Variants in PRUNE2 observed in about 807,000 individuals in gnomAD.
PRUNE2 encodes the protein prune homolog 2 with BCH domain, also known as protein prune homolog 2.
Under a neutral mutation model 252.0 loss-of-function variants are expected in PRUNE2, and 164 were observed. The observed-to-expected ratio is 0.65, with a 90% CI of 0.57 to 0.74. PRUNE2 has a LOEUF of 0.74. PRUNE2 is among the 30% of genes least tolerant of loss of function. PRUNE2 has a pLI of 0.00. For synonymous variants in PRUNE2, 1,292 were observed against 1,350.2 expected, an observed-to-expected ratio of 0.96 and a Z score of 0.94; for missense variants, 3,495 against 3,711.0, an observed-to-expected ratio of 0.94 and a Z score of 1.51.
chr9:76,704,733 G>A, intron 8 of PRUNE2, 28 bp downstream of exon 8: 1 of 1,432,472 alleles, frequency 7.0e-7, no homozygotes. Flanking sequence ...GCAGTTTCTT[G>A]GAAGTGGAAG....
chr9:76,806,968 G>A (rs1037084336), intron 6 of PRUNE2, among the ~76,000 whole-genome samples: 57 of 151,946 alleles, frequency 3.8e-4, no homozygotes, highest in African/African-American at 1.4e-3. Context: ...ATGTGTCAGA[G>A]CGAAGACTCC....
chr9:76,820,174 T>A (rs965861911), intron 6 of PRUNE2, among the ~76,000 whole-genome samples: 5 of 152,228 alleles, frequency 3.3e-5, no homozygotes, highest in African/African-American at 1.2e-4. Context: ...CCTCTGGCCA[T>A]GCCTCTGATA....
rs573168288 is a variant in PRUNE2, at chr9:76,851,831, T to C, written c.142-1166A>G. 1.4e-4 allele frequency among the ~76,000 whole-genome samples: 21 copies of C among 149,172 alleles called. 1 individual carries two copies. The highest frequency in any genetic ancestry group is 8.5e-4 in the South Asian group (4 of 4,732). ...CAGGAGATAGGAGAGAGGTAGAGAATTGTAGTCACAATAATAAACTTGTTT... is the reference window on the plus strand; with the variant it reads ...CAGGAGATAGGAGAGAGGTAGAGAACTGTAGTCACAATAATAAACTTGTTT... On this transcript the variant is annotated intron_variant, in intron 2 of 18. Transcript: ENST00000376718.
intron 6 of PRUNE2, chr9:76,783,667 T>C (rs1408906328): frequency 2.0e-5 from 3 of 152,306 alleles, no homozygotes; most frequent in Admixed American, 2.0e-4. Context: ...GCTGACACCT[T>C]GCCATTTGTC....
chr9:76,789,633 A>G (rs2055361284), intron 6 of PRUNE2, among the ~76,000 whole-genome samples: 4 of 152,148 alleles, frequency 2.6e-5, no homozygotes, highest in Non-Finnish European at 5.9e-5. Context: ...GAACTCTTCA[A>G]TTAGATACCA....
At chr9:76,860,474 T>C (rs1167845584) in intron 1 of PRUNE2, among the ~76,000 whole-genome samples, 1 of 152,220 alleles carries the variant, frequency 6.6e-6, no homozygotes, top group Non-Finnish European at 1.5e-5. Flanking sequence ...CAGTTCAGCC[T>C]GGTAGAAGCA....
chr9:76,763,734 G>A (rs145492977), intron 6 of PRUNE2, among the ~76,000 whole-genome samples: 40 of 152,324 alleles, frequency 2.6e-4, no homozygotes, highest in African/African-American at 9.6e-4. Context: ...GACAGGAAGT[G>A]CTGGGAGGCC....
intron 4 of PRUNE2, among the ~76,000 whole-genome samples, chr9:76,836,679 A>G (rs2058997905): frequency 6.6e-6 from 1 of 152,220 alleles, no homozygotes; most frequent in Admixed American, 6.5e-5. Context: ...AGGCAACAGC[A>G]AGACCTAGCT....
intron 1 of PRUNE2, among the ~76,000 whole-genome samples, chr9:76,879,466 G>T (rs1259145340): frequency 6.6e-6 from 1 of 152,066 alleles, no homozygotes; most frequent in Non-Finnish European, 1.5e-5. Context: ...CAAACCAGGA[G>T]ATATTAGCAA....
intron 6 of PRUNE2, among the ~76,000 whole-genome samples, chr9:76,817,513 T>A (rs1469501659): frequency 6.6e-6 from 1 of 152,000 alleles, no homozygotes; most frequent in Admixed American, 6.6e-5. Flanking sequence ...AAGTGATGAG[T>A]GTCACAACCA....
intron 6 of PRUNE2, among the ~76,000 whole-genome samples, chr9:76,770,526 C>T (rs1303429909): frequency 2.0e-5 from 3 of 152,006 alleles, no homozygotes; most frequent in Non-Finnish European, 4.4e-5. Context: ...TGACATTCAT[C>T]TAAAATGGAT....
At chr9:76,883,216 A>G (rs1307569539) in intron 1 of PRUNE2, among the ~76,000 whole-genome samples, 1 of 152,244 alleles carries the variant, frequency 6.6e-6, no homozygotes, top group Non-Finnish European at 1.5e-5. Flanking sequence ...ACTATTAAAT[A>G]CAGAAAGCCA....
chr9:76,898,489 G>A (rs548218357), intron 1 of PRUNE2, among the ~76,000 whole-genome samples: 1 of 152,248 alleles, frequency 6.6e-6, no homozygotes, highest in African/African-American at 2.4e-5. Flanking sequence ...AATTTGAGTA[G>A]ATGAACCCTG....
chr9:76,876,766 A>C (rs2061498698), intron 1 of PRUNE2, among the ~76,000 whole-genome samples: 1 of 152,202 alleles, frequency 6.6e-6, no homozygotes, highest in Non-Finnish European at 1.5e-5. Context: ...CTTGGAAGTG[A>C]CTTAAACCCA....
intron 1 of PRUNE2, chr9:76,857,027 T>C (rs2060288204): frequency 4.4e-6 from 2 of 455,426 alleles, no homozygotes; most frequent in African/African-American, 2.0e-5. Context: ...GTACTGGGAT[T>C]ACAGGCGTGA....
At chr9:76,834,524 G>A (rs1440248439) in intron 4 of PRUNE2, among the ~76,000 whole-genome samples, 2 of 152,060 alleles carry the variant, frequency 1.3e-5, no homozygotes, top group Non-Finnish European at 2.9e-5. Flanking sequence ...GTCAAACCAA[G>A]AATCCAGTTT....
intron 5 of PRUNE2, 99 bp from the exon 6 acceptor site, chr9:76,823,825 T>C: frequency 1.4e-6 from 1 of 711,666 alleles, no homozygotes. Flanking sequence ...GTAAATTTCA[T>C]TCTTTGCCCC....
chr9:76,886,050 G>A (rs1049391889), intron 1 of PRUNE2, among the ~76,000 whole-genome samples: 1 of 151,962 alleles, frequency 6.6e-6, no homozygotes, highest in Non-Finnish European at 1.5e-5. Flanking sequence ...GCTGGGCATG[G>A]TGGCACACAC....
chr9:76,831,075 A>AC (rs1410803680), intron 4 of PRUNE2, among the ~76,000 whole-genome samples: 1 of 151,712 alleles, frequency 6.6e-6, no homozygotes, highest in Non-Finnish European at 1.5e-5. Context: ...GACTACAGGC[A>AC]CCCGCCACCA....
Sources: gnomAD v4.1 joint callset for allele counts (sites outside exome capture counted in the v4.1 genomes callset) on GRCh38, gnomAD v4.1.1 for gene constraint, MANE v1.5 for transcripts, NCBI Gene and HGNC (gene_info 2026-07-23, HGNC 2026-07-21) for gene names.